Variants in AGPAT4 observed in about 807,000 individuals in gnomAD.
AGPAT4 encodes 1-acyl-sn-glycerol-3-phosphate acyltransferase delta.
AGPAT4 carries 15 observed loss-of-function variants against 48.0 expected under a neutral mutation model. The ratio of observed to expected loss-of-function variants is 0.31; its 90% CI spans 0.21 to 0.48. The LOEUF (loss-of-function observed/expected upper bound fraction) is 0.48, where lower values mean the gene tolerates loss of function less well. Among genes scored for constraint, AGPAT4 ranks in the 20% least tolerant of loss-of-function variants. The pLI is 0.99. For missense variants in AGPAT4, 314 were observed against 482.5 expected (o/e 0.65, Z 3.27); for synonymous variants, 178 against 198.7 (o/e 0.90, Z 0.88).
In AGPAT4 at chr6:161,264,010, A is replaced by G. The variant is rs567480530; in HGVS notation, c.-90+9928T>C. Among the ~76,000 whole-genome samples, 4 of 152,260 alleles carry G rather than the reference A, an allele frequency of 2.6e-5. No individual in the cohort carries two copies. The East Asian group carries it at 7.7e-4, about 29-fold the overall frequency. On this transcript the variant is annotated intron_variant, in intron 1 of 8. Coordinates refer to ENST00000320285, the MANE Select transcript of AGPAT4 (RefSeq NM_020133.3). This position sits in a 1 kb window ranked among gnomAD's most constrained non-coding sequence, Gnocchi z 6.8. ...AGTTTCAAATTAGATTAGAGAAAAT[A>G]ATTGGCAACCCACAGGGCTGGGGGC...
At chr6:161,172,915 T>C (rs560536623) in intron 2 of AGPAT4, among the ~76,000 whole-genome samples, 91 of 152,078 alleles carry the variant, frequency 6.0e-4, no homozygotes, top group African/African-American at 2.1e-3. Context: ...GTCCTTGCAA[T>C]AGTTTGCTCA....
rs769733731 is a variant in AGPAT4, at chr6:161,242,985, C to T, written c.-89-10683G>A. Among the ~76,000 whole-genome samples, 3 of 152,070 alleles carry T rather than the reference C, an allele frequency of 2.0e-5. No individual in the cohort carries two copies. The highest frequency in any genetic ancestry group is 4.4e-5 in the Non-Finnish European group (3 of 68,018). On this transcript the variant is annotated intron_variant, in intron 1 of 8. Coordinates refer to ENST00000320285, the MANE Select transcript of AGPAT4 (RefSeq NM_020133.3). This position sits in a 1 kb window ranked among gnomAD's most constrained non-coding sequence, Gnocchi z 5.0. ...GACTGAAGCAGGAGAATTGATTGAACCCAGGAGGTGGAGGTTGCAGTGAGT... is the reference window on the plus strand; with the variant it reads ...GACTGAAGCAGGAGAATTGATTGAATCCAGGAGGTGGAGGTTGCAGTGAGT...
intron 1 of AGPAT4, among the ~76,000 whole-genome samples, chr6:161,271,568 G>C (rs941981485): frequency 9.9e-5 from 15 of 152,174 alleles, no homozygotes; most frequent in Non-Finnish European, 8.8e-5. Context: ...TCTTCCATGG[G>C]ACCCTACGTT....
rs115653991 is a variant in AGPAT4, at chr6:161,261,058, G to A, written c.-90+12880C>T. 2.3e-3 allele frequency among the ~76,000 whole-genome samples: 347 copies of A among 152,222 alleles called. 2 individuals are homozygous for A. The highest frequency in any genetic ancestry group is 8.0e-3 in the African/African-American group (332 of 41,526). ...CTGGTGCTCCGAGCTCGTGTATTCC[G>A]TTCCACCTGCCTGATGCCCTTCCCT... On this transcript the variant is annotated intron_variant, in intron 1 of 8. Coordinates refer to ENST00000320285, the MANE Select transcript of AGPAT4 (RefSeq NM_020133.3). This position sits in a 1 kb window ranked among gnomAD's most constrained non-coding sequence, Gnocchi z 5.3.
rs377023284 is a variant in AGPAT4, at chr6:161,171,730, A to T, written c.179-5313T>A. On this transcript the variant is annotated intron_variant, in intron 2 of 8. Transcript: ENST00000320285. The surrounding 1 kb of genome is among the most constrained non-coding windows in gnomAD (Gnocchi z 4.4). ...CAGTGAAACCCTGTCTCTACTAAAA[A>T]TACAAAAAAAAAAAAAAAAATTAGC... Among the ~76,000 whole-genome samples the T allele has an allele frequency of 8.8e-3, 1,282 of 145,344 alleles. 13 individuals are homozygous for T. Among genetic ancestry groups the T allele is most frequent in the Middle Eastern group, 0.014 (4 of 286 alleles).
rs1779074881 is a variant in AGPAT4 at position 161,136,610 on chromosome 6, A to G, written c.1067T>C (p.Ile356Thr). 1 of 1,614,166 alleles carries G rather than the reference A, an allele frequency of 6.2e-7. No homozygotes were observed. The highest frequency in any genetic ancestry group is 8.5e-7 in the Non-Finnish European group (1 of 1,180,020). The part of the protein sequence containing the change: ...FVASVGVRWM[I>T]GVTEIDKGSA... Reference sequence around the variant, plus strand: ...GCCCTTGTCAATTTCCGTCACACCAATCATCCATCGAACTCCCACGGAGGC... The same window carrying G: ...GCCCTTGTCAATTTCCGTCACACCAGTCATCCATCGAACTCCCACGGAGGC... Residue 356 changes from isoleucine to threonine, a missense_variant, in exon 9 of 9, where the codon ATT (isoleucine) becomes ACT (threonine). Coordinates refer to ENST00000320285, the MANE Select transcript of AGPAT4 (RefSeq NM_020133.3).
chr6:161,237,909 G>A (rs1289221427), intron 1 of AGPAT4, among the ~76,000 whole-genome samples: 2 of 152,108 alleles, frequency 1.3e-5, no homozygotes, highest in African/African-American at 4.8e-5. Context: ...AGTTTACACT[G>A]CTTGCTAACT....
intron 5 of AGPAT4, among the ~76,000 whole-genome samples, chr6:161,152,704 CGCCTGAAGTGCTTT>C (rs2114965101): frequency 6.6e-6 from 1 of 152,254 alleles, no homozygotes; most frequent in South Asian, 2.1e-4. Flanking sequence ...GAGACAGCTT[CGCCTGAAGTGCTTT>C]GCCTGAGAAG....
At chr6:161,263,796 G>A (rs1045773117) in intron 1 of AGPAT4, among the ~76,000 whole-genome samples, 2 of 152,146 alleles carry the variant, frequency 1.3e-5, no homozygotes, top group African/African-American at 4.8e-5. Flanking sequence ...GTGATGGGAA[G>A]TTTCTGCACA....
At position 161,155,082 on chromosome 6, in the gene AGPAT4, C is replaced by T. The variant is rs1021182006; in HGVS notation, c.349-772G>A. Among the ~76,000 whole-genome samples, 3 of 152,164 alleles carry T rather than the reference C, an allele frequency of 2.0e-5. No homozygotes were observed. Among genetic ancestry groups the T allele is most frequent in the African/African-American group, 7.2e-5 (3 of 41,440 alleles). On this transcript the variant is annotated intron_variant, in intron 3 of 8. Coordinates refer to ENST00000320285, the MANE Select transcript of AGPAT4 (RefSeq NM_020133.3). The surrounding 1 kb of genome is among the most constrained non-coding windows in gnomAD (Gnocchi z 5.8). The stretch of plus-strand genomic sequence containing the variant: ...GGCAGAAGCACCTGCCAGAGACCTT[C>T]TTGAGGCTGACGCAGGTGCACGAGC...
At chr6:161,227,990 G>A (rs1782028087) in intron 2 of AGPAT4, among the ~76,000 whole-genome samples, 1 of 152,128 alleles carries the variant, frequency 6.6e-6, no homozygotes. Context: ...TACTTCAAAT[G>A]TAGCTGAGTG....
chr6:161,230,108 T>G (rs1782084873), intron 2 of AGPAT4, among the ~76,000 whole-genome samples: 1 of 152,194 alleles, frequency 6.6e-6, no homozygotes, highest in Non-Finnish European at 1.5e-5. Context: ...CATCTTAATT[T>G]CCACCAGAAA....
rs1357842895 is a variant in AGPAT4 at position 161,165,191 on chromosome 6, G to A, written c.348+1057C>T. Reference sequence around the variant, plus strand: ...GATAGTTACTAGAATGTTTGCTCTTGTTCCTAGAAATATATTTGCACACAC... The same window carrying A: ...GATAGTTACTAGAATGTTTGCTCTTATTCCTAGAAATATATTTGCACACAC... On this transcript the variant is annotated intron_variant, in intron 3 of 8. Transcript: ENST00000320285. The surrounding 1 kb of genome is among the most constrained non-coding windows in gnomAD (Gnocchi z 5.5). Among the ~76,000 whole-genome samples, 1 of 152,156 alleles carries A rather than the reference G, an allele frequency of 6.6e-6. No individual in the cohort carries two copies. Among genetic ancestry groups the A allele is most frequent in the African/African-American group, 2.4e-5 (1 of 41,432 alleles).
rs553186119 is a variant in AGPAT4 at position 161,245,522 on chromosome 6, C to T, written c.-89-13220G>A. On this transcript the variant is annotated intron_variant, in intron 1 of 8. Transcript: ENST00000320285. The surrounding 1 kb of genome is among the most constrained non-coding windows in gnomAD (Gnocchi z 5.2). ...AGTAGAGCTCAGAGGAAGCACTCTG[C>T]TGCCTCTATAGTGGCCACAGGAGCT... 6.6e-6 allele frequency among the ~76,000 whole-genome samples: 1 copy of T among 152,330 alleles called. No individual in the cohort carries two copies. The highest frequency in any genetic ancestry group is 1.5e-5 in the Non-Finnish European group (1 of 68,026).
In AGPAT4 at chr6:161,226,718, G is replaced by C. The variant is rs1334131536; in HGVS notation, c.178+5318C>G. Among the ~76,000 whole-genome samples, 4 of 152,218 alleles carry C rather than the reference G, an allele frequency of 2.6e-5. No homozygotes were observed. The highest frequency in any genetic ancestry group is 4.8e-5 in the African/African-American group (2 of 41,462). On this transcript the variant is annotated intron_variant, in intron 2 of 8. Coordinates refer to ENST00000320285, the MANE Select transcript of AGPAT4 (RefSeq NM_020133.3). This position sits in a 1 kb window ranked among gnomAD's most constrained non-coding sequence, Gnocchi z 6.3. ...AAGCAGATGATAGCACATTGATGTGGCCAGGATTCCCCACAGAGAGGTTAC... is the reference window on the plus strand; with the variant it reads ...AAGCAGATGATAGCACATTGATGTGCCCAGGATTCCCCACAGAGAGGTTAC...
At chr6:161,224,031 A>G (rs1412126880) in intron 2 of AGPAT4, among the ~76,000 whole-genome samples, 1 of 152,186 alleles carries the variant, frequency 6.6e-6, no homozygotes, top group African/African-American at 2.4e-5. Flanking sequence ...TCATTCCAGT[A>G]TCATGTAAAT....
chr6:161,162,873 G>T (rs944351813), intron 3 of AGPAT4, among the ~76,000 whole-genome samples: 1 of 152,222 alleles, frequency 6.6e-6, no homozygotes, highest in Non-Finnish European at 1.5e-5. Context: ...AAATGGGGAC[G>T]TGAAGCCTCA....
intron 2 of AGPAT4, among the ~76,000 whole-genome samples, chr6:161,173,680 T>G (rs1324008596): frequency 6.6e-6 from 1 of 152,284 alleles, no homozygotes; most frequent in Non-Finnish European, 1.5e-5. Flanking sequence ...TTGGCTTTTG[T>G]TGCCATTGCT....
Position 161,161,493 on chromosome 6 carries a change from A to G in AGPAT4, c.348+4755T>C, listed in dbSNP as rs142220296. 1,894 of 456,656 alleles carry G rather than the reference A, an allele frequency of 4.1e-3. 10 individuals carry two copies. Among genetic ancestry groups the G allele is most frequent in the Non-Finnish European group, 4.2e-3 (947 of 226,926 alleles). 28.3% of individuals were successfully genotyped at this position (456,656 alleles called of 1,614,324 possible). A position where few individuals can be genotyped will look rare whatever the true frequency, so the allele number is the denominator to read the frequency against. On this transcript the variant is annotated intron_variant, in intron 3 of 8. Transcript: ENST00000320285. This position sits in a 1 kb window ranked among gnomAD's most constrained non-coding sequence, Gnocchi z 4.6. ...CCTAGTGCAAGGTCTGTGCCTGCAG[A>G]GCTGATGAATTCACATGGTGGCGGG...
Sources: gnomAD v4.1 joint callset for allele counts (sites outside exome capture counted in the v4.1 genomes callset) on GRCh38, gnomAD v4.1.1 for gene constraint, Gnocchi (gnomAD v3.1) non-coding constraint, MANE v1.5 for transcripts, NCBI Gene and HGNC (gene_info 2026-07-23, HGNC 2026-07-21) for gene names.